The following UPF2 variants were observed in gnomAD, a reference collection of about 807,000 sequenced individuals.
UPF2 encodes the protein UPF2 regulator of nonsense mediated mRNA decay, also known as regulator of nonsense transcripts 2.
A neutral mutation model predicts 141.4 loss-of-function variants in UPF2; 17 were observed. The ratio of observed to expected loss-of-function variants is 0.12; its 90% CI spans 0.08 to 0.18. UPF2 has a LOEUF of 0.18. UPF2 is among the 10% of genes least tolerant of loss of function. UPF2 has a pLI of 1.00. For synonymous variants in UPF2, 540 were observed against 498.0 expected, an observed-to-expected ratio of 1.08 and a Z score of -1.12; for missense variants, 1,152 against 1,515.9, an observed-to-expected ratio of 0.76 and a Z score of 3.99.
chr10:11,962,056 A>G (rs910075228), intron 11 of UPF2, among the ~76,000 whole-genome samples: 1 of 152,160 alleles, frequency 6.6e-6, no homozygotes, highest in South Asian at 2.1e-4. Context: ...TAATGACCAC[A>G]CCCTATAAGT....
intron 3 of UPF2, among the ~76,000 whole-genome samples, chr10:12,022,425 G>GA (rs1451314243): frequency 1.3e-4 from 7 of 54,804 alleles, no homozygotes; most frequent in Non-Finnish European, 2.4e-4. Flanking sequence ...AAAAAAAAAA[G>GA]AAAAAAATTA....
At chr10:11,987,350 A>G (rs1445441728) in intron 8 of UPF2, among the ~76,000 whole-genome samples, 5 of 152,226 alleles carry the variant, frequency 3.3e-5, no homozygotes, top group African/African-American at 1.2e-4. Context: ...AAAAAGATAT[A>G]AACACTTAAT....
In UPF2 at chr10:11,956,019, C is replaced by G. The variant is rs932727077; in HGVS notation, c.2574+301G>C. On this transcript the variant is annotated intron_variant, in intron 13 of 21. Transcript: ENST00000357604. The surrounding 1 kb of genome is among the most constrained non-coding windows in gnomAD (Gnocchi z 4.2). ...ATTAGCTAGGCGTGGTGGCATGCAC[C>G]TGTAGTAGTCCCAGCTACTCGGGAA... 2.6e-5 allele frequency among the ~76,000 whole-genome samples: 4 copies of G among 151,972 alleles called. No individual in the cohort carries two copies. The highest frequency in any genetic ancestry group is 7.3e-5 in the African/African-American group (3 of 41,354).
At position 11,997,686 on chromosome 10, in the gene UPF2, T is replaced by A; in HGVS notation, c.1830A>T (p.Ile610=). 1 of 1,613,832 alleles carries A rather than the reference T, an allele frequency of 6.2e-7. No individual in the cohort carries two copies. The highest frequency in any genetic ancestry group is 1.3e-5 in the African/African-American group (1 of 75,056). Residue 610 remains isoleucine, a synonymous_variant, in exon 8 of 22, where the codon ATA becomes ATT. Transcript: ENST00000357604. ...NRKKLVRALF[I]VPRQRLDLLP... is the part of the protein sequence containing the mutation. ...ATAACACTTACCTTTGTCTAGGAACTATGAAGAGTGCCCGTACCAACTTCT... is the reference window on the plus strand; with the variant it reads ...ATAACACTTACCTTTGTCTAGGAACAATGAAGAGTGCCCGTACCAACTTCT...
At position 12,004,686 on chromosome 10, in the gene UPF2, C is replaced by T. The variant is rs758896710; in HGVS notation, c.1348G>A (p.Gly450Arg). Residue 450 changes from glycine (G) to arginine (R), a missense_variant, in exon 5 of 22, where the codon GGA (glycine) becomes AGA (arginine). By Grantham distance (125) the Gly-to-Arg change is moderately radical (BLOSUM62 -2). Transcript: ENST00000357604. ...ATACCACCTTCCAAGTCATATTCTC[C>T]AGGTTTACCAGGTGTGAATATATCA... Reference protein sequence around the residue: ...GIDIFTPGKPGEYDLEGGIWE... With the variant: ...GIDIFTPGKPREYDLEGGIWE... 6.2e-7 allele frequency: 1 copy of T among 1,613,744 alleles called. No homozygotes were observed. The highest frequency in any genetic ancestry group is 1.7e-5 in the Admixed American group (1 of 60,000).
chr10:12,037,829 T>C (rs150235488), intron 1 of UPF2, among the ~76,000 whole-genome samples: 1,885 of 152,334 alleles, frequency 0.012, 38 homozygotes, highest in African/African-American at 0.043. Context: ...AAAAATACTT[T>C]ACTTCAGTAC....
At chr10:11,933,566 C>T (rs1832807035) in intron 19 of UPF2, among the ~76,000 whole-genome samples, 1 of 152,022 alleles carries the variant, frequency 6.6e-6, no homozygotes, top group African/African-American at 2.4e-5. Flanking sequence ...CATAAGCCAC[C>T]CGGTTTATAA....
At chr10:12,041,559 T>A (rs1173027514) in intron 1 of UPF2, among the ~76,000 whole-genome samples, 2 of 152,198 alleles carry the variant, frequency 1.3e-5, no homozygotes, top group Non-Finnish European at 2.9e-5. Flanking sequence ...AGACATTCCC[T>A]TGCAAAGTAC....
chr10:11,977,755 C>T (rs10906041), intron 9 of UPF2, among the ~76,000 whole-genome samples: 134,856 of 152,226 alleles, frequency 0.89, 59,796 homozygotes, highest in East Asian at 1. Context: ...CTTTGAGGGG[C>T]TCCATATTCA....
intron 19 of UPF2, among the ~76,000 whole-genome samples, chr10:11,932,643 T>C (rs540694039): frequency 1.3e-5 from 2 of 152,330 alleles, no homozygotes; most frequent in East Asian, 1.9e-4. Flanking sequence ...CTACTGCCTT[T>C]ACTGCAGAGC....
intron 19 of UPF2, among the ~76,000 whole-genome samples, chr10:11,934,643 A>G (rs574152470): frequency 1.5e-4 from 23 of 152,246 alleles, no homozygotes; most frequent in Admixed American, 3.3e-4. Context: ...AGGCTGGAGT[A>G]CAATGGTGTG....
chr10:12,032,118 A>ACACT (rs1245274642), intron 2 of UPF2, among the ~76,000 whole-genome samples: 1 of 151,898 alleles, frequency 6.6e-6, no homozygotes. Flanking sequence ...ACATGGAGAA[A>ACACT]CACTGTCTCT....
intron 3 of UPF2, among the ~76,000 whole-genome samples, chr10:12,028,244 A>G (rs1228264638): frequency 6.6e-6 from 1 of 152,146 alleles, no homozygotes; most frequent in Non-Finnish European, 1.5e-5. Context: ...CATTTAAGAA[A>G]TTTTTTCACA....
rs748655785 is a variant in UPF2, at chr10:12,029,476, A to T, written c.414T>A (p.His138Gln). Residue 138 changes from histidine (H) to glutamine (Q), a missense_variant, in exon 3 of 22, where the codon CAT becomes CAA. Around this residue, in one of 4 missense-constraint regions of UPF2, gnomAD observed 739 missense variants for 1,032.2 expected, o/e 0.72. Coordinates refer to ENST00000357604, the MANE Select transcript of UPF2 (RefSeq NM_015542.4). ...IQLHQEAWER[H>Q]HLRKELRSKN... Reference sequence around the variant, plus strand: ...TGCTACGAAGTTCCTTTCTTAAATGATGTCGTTCCCAAGCTTCCTGATGAA... The same window carrying T: ...TGCTACGAAGTTCCTTTCTTAAATGTTGTCGTTCCCAAGCTTCCTGATGAA... 5 of 1,609,276 alleles carry T rather than the reference A, an allele frequency of 3.1e-6. No individual in the cohort carries two copies. In the South Asian group the frequency reaches 5.6e-5, roughly 18 times the overall value.
chr10:11,966,689 G>C (rs139572898), intron 10 of UPF2, among the ~76,000 whole-genome samples: 1 of 152,222 alleles, frequency 6.6e-6, no homozygotes, highest in Non-Finnish European at 1.5e-5. Context: ...CTCCCAAAGT[G>C]CTGGGATTAA....
chr10:11,988,088 G>C lies in UPF2; in HGVS notation c.1845-8923C>G, dbSNP rs146626438. On this transcript the variant is annotated intron_variant, in intron 8 of 21. Transcript: ENST00000357604. ...TAAAAAGACAAATACAATTTTACAG[G>C]GGCAAAGGCTGTGAATAGATACTTC... 1.7e-3 allele frequency among the ~76,000 whole-genome samples: 265 copies of C among 152,168 alleles called. 1 individual carries two copies. The highest frequency in any genetic ancestry group is 6.1e-3 in the African/African-American group (253 of 41,512).
rs202029062 is a variant in UPF2 at position 11,967,466 on chromosome 10, G to A, written c.1954-12C>T. ...TCCTTTTTCCGTACCTAAAAATTAA[G>A]AGAGAAAAGATAATGCTTAATCAAC... On this transcript the variant is annotated splice_polypyrimidine_tract_variant and intron_variant, in intron 9 of 21. Coordinates refer to ENST00000357604, the MANE Select transcript of UPF2 (RefSeq NM_015542.4). 1.6e-3 allele frequency: 2,383 copies of A among 1,471,042 alleles called. 6 individuals carry two copies. Among genetic ancestry groups the A allele is most frequent in the African/African-American group, 5.9e-3 (405 of 69,034 alleles). 91.1% of individuals were successfully genotyped at this position (1,471,042 alleles called of 1,614,324 possible).
At chr10:11,976,738 A>G (rs1242142141) in intron 9 of UPF2, among the ~76,000 whole-genome samples, 1 of 152,228 alleles carries the variant, frequency 6.6e-6, no homozygotes, top group East Asian at 1.9e-4. Flanking sequence ...AAACTCAGCT[A>G]GGAAAAAAGG....
At chr10:12,033,036 T>C (rs1834555674) in intron 2 of UPF2, among the ~76,000 whole-genome samples, 1 of 152,150 alleles carries the variant, frequency 6.6e-6, no homozygotes, top group African/African-American at 2.4e-5. Context: ...GTAGAAGTCC[T>C]AAAGAACAAC....
Sources: allele counts gnomAD v4.1 joint callset (sites outside exome capture counted in the v4.1 genomes callset), GRCh38; gene constraint gnomAD v4.1.1; regional missense constraint gnomAD v4.1.1; non-coding constraint Gnocchi (gnomAD v3.1); transcripts MANE v1.5; gene names NCBI Gene and HGNC (gene_info 2026-07-23, HGNC 2026-07-21).